The following SPAG16 variants were observed in gnomAD, a reference collection of about 807,000 sequenced individuals.
SPAG16 encodes the protein sperm-associated antigen 16 protein.
Under a neutral mutation model 80.4 loss-of-function variants are expected in SPAG16, and 86 were observed. The observed-to-expected ratio is 1.07, with a 90% CI of 0.90 to 1.28. The LOEUF is 1.28. Ranked by LOEUF, SPAG16 falls within the 50% of genes most tolerant of loss-of-function variation. The pLI, the probability that SPAG16 is intolerant of heterozygous loss-of-function variation, is 0.00. For missense variants in SPAG16, 870 were observed against 765.3 expected, an observed-to-expected ratio of 1.14 and a Z score of -1.61; for synonymous variants, 294 against 265.9, an observed-to-expected ratio of 1.11 and a Z score of -1.03.
chr2:213,431,497 T>TA (rs60221504), intron 9 of SPAG16, among the ~76,000 whole-genome samples: 540 of 149,770 alleles, frequency 3.6e-3, no homozygotes, highest in Non-Finnish European at 5.7e-3. Context: ...TCAGAAACTG[T>TA]AAAAAAAAAG....
chr2:213,417,175 G>A (rs1022479660), intron 9 of SPAG16, among the ~76,000 whole-genome samples: 2 of 151,938 alleles, frequency 1.3e-5, no homozygotes, highest in African/African-American at 4.8e-5. Context: ...GAGGTCAGAG[G>A]TCAAGCATCA....
In SPAG16 at chr2:214,019,665, G is replaced by T. The variant is rs1314970535; in HGVS notation, c.1527+5588G>T. ...ACAGTTCATCCTGCACCCTGCATAG[G>T]CCTGTTGGTTTTCATAGATAGGATC... On this transcript the variant is annotated intron_variant, in intron 13 of 15. Transcript: ENST00000331683. Among the ~76,000 whole-genome samples the T allele has an allele frequency of 3.3e-5, 5 of 152,278 alleles. No individual in the cohort carries two copies. The East Asian group carries it at 7.7e-4, about 24-fold the overall frequency.
At position 214,163,221 on chromosome 2, in the gene SPAG16, C is replaced by T. The variant is rs186638345; in HGVS notation, c.1720+13955C>T. 1.5e-3 allele frequency among the ~76,000 whole-genome samples: 233 copies of T among 152,084 alleles called. 3 individuals are homozygous for T. Among genetic ancestry groups the T allele is most frequent in the Admixed American group, 0.014 (211 of 15,226 alleles). ...TTTTTCCCTTTGTCAAATATAACAT[C>T]TCTTTCATGTGATTTTGCCTTAAGT... On this transcript the variant is annotated intron_variant, in intron 15 of 15. Transcript: ENST00000331683.
At chr2:213,738,813 T>C (rs1437261834) in intron 10 of SPAG16, among the ~76,000 whole-genome samples, 2 of 152,192 alleles carry the variant, frequency 1.3e-5, no homozygotes, top group African/African-American at 2.4e-5. Flanking sequence ...TTTGGGGAGA[T>C]AGGGCTTTAA....
chr2:214,322,316 C>T (rs1349747851), intron 15 of SPAG16, among the ~76,000 whole-genome samples: 1 of 152,120 alleles, frequency 6.6e-6, no homozygotes, highest in Non-Finnish European at 1.5e-5. Flanking sequence ...AAAACCACCC[C>T]AGGTGTTCTT....
chr2:213,716,514 CATCCTT>C (rs1398029710), intron 10 of SPAG16, among the ~76,000 whole-genome samples: 1 of 152,162 alleles, frequency 6.6e-6, no homozygotes, highest in Non-Finnish European at 1.5e-5. Context: ...GAGTAAGAAA[CATCCTT>C]AACCAGGAAG....
At chr2:213,365,953 T>A (rs1471474121) in intron 8 of SPAG16, among the ~76,000 whole-genome samples, 22 of 149,522 alleles carry the variant, frequency 1.5e-4, no homozygotes, top group Non-Finnish European at 2.4e-4. Flanking sequence ...CCATCCCGGC[T>A]AAAACGGTGA....
intron 9 of SPAG16, among the ~76,000 whole-genome samples, chr2:213,419,957 T>C (rs1331154747): frequency 6.6e-6 from 1 of 152,232 alleles, no homozygotes; most frequent in African/African-American, 2.4e-5. Context: ...CTCAAGTAGA[T>C]GAACGTATGA....
intron 10 of SPAG16, among the ~76,000 whole-genome samples, chr2:213,492,807 T>C (rs2074322179): frequency 6.6e-6 from 1 of 151,934 alleles, no homozygotes; most frequent in African/African-American, 2.4e-5. Flanking sequence ...TTCAAAAATA[T>C]AGCAGTAAAA....
chr2:213,645,712 G>C (rs2062796665), intron 10 of SPAG16, among the ~76,000 whole-genome samples: 1 of 152,138 alleles, frequency 6.6e-6, no homozygotes, highest in South Asian at 2.1e-4. Context: ...GCAACTTGGG[G>C]ATTAGGGGAG....
chr2:213,515,513 G>A (rs2075386778), intron 10 of SPAG16, among the ~76,000 whole-genome samples: 1 of 152,110 alleles, frequency 6.6e-6, no homozygotes. Context: ...AAGTATGTGA[G>A]TAAAAAATGT....
intron 15 of SPAG16, among the ~76,000 whole-genome samples, chr2:214,177,971 G>GTGTATATATATATA (rs1397087073): frequency 1.7e-5 from 1 of 59,352 alleles, no homozygotes; most frequent in African/African-American, 6.2e-5. Context: ...CAAAGTGTAT[G>GTGTATATATATATA]TATATATATA....
chr2:213,310,273 A>C, intron 4 of SPAG16, 96 bp downstream of exon 4: 1 of 750,968 alleles, frequency 1.3e-6, no homozygotes, highest in African/African-American at 1.8e-5. Context: ...GACTCAGCCT[A>C]TGAAAAATGA....
intron 10 of SPAG16, among the ~76,000 whole-genome samples, chr2:213,832,776 C>A (rs1341706531): frequency 6.6e-6 from 1 of 152,124 alleles, no homozygotes; most frequent in Non-Finnish European, 1.5e-5. Context: ...AGACAGTTTT[C>A]TTTGGGCCTT....
chr2:214,356,896 G>T (rs542990654), intron 15 of SPAG16, among the ~76,000 whole-genome samples: 59 of 151,856 alleles, frequency 3.9e-4, no homozygotes, highest in African/African-American at 1.4e-3. Context: ...TTTCTTTTGT[G>T]GTCATTTGTA....
intron 13 of SPAG16, among the ~76,000 whole-genome samples, chr2:214,035,486 A>T (rs555006281): frequency 1.3e-5 from 2 of 152,300 alleles, no homozygotes; most frequent in East Asian, 3.9e-4. Flanking sequence ...TGGTGCCCAA[A>T]GTCCAGAGGG....
At chr2:213,403,895 C>T (rs1407753312) in intron 9 of SPAG16, among the ~76,000 whole-genome samples, 3 of 152,236 alleles carry the variant, frequency 2.0e-5, no homozygotes, top group Admixed American at 2.0e-4. Context: ...AAATCACAAG[C>T]ATTCTTATAC....
At chr2:213,363,843 G>A (rs1029497138) in intron 7 of SPAG16, among the ~76,000 whole-genome samples, 1 of 151,994 alleles carries the variant, frequency 6.6e-6, no homozygotes, top group Non-Finnish European at 1.5e-5. Flanking sequence ...TGAAATAAAT[G>A]TTTCAGATGC....
At chr2:213,547,803 C>T (rs988058392) in intron 10 of SPAG16, among the ~76,000 whole-genome samples, 1 of 152,144 alleles carries the variant, frequency 6.6e-6, no homozygotes, top group African/African-American at 2.4e-5. Context: ...CTTGAACATA[C>T]ATTCTTATTT....
Sources: allele counts gnomAD v4.1 joint callset (sites outside exome capture counted in the v4.1 genomes callset), GRCh38; gene constraint gnomAD v4.1.1; transcripts MANE v1.5; gene names NCBI Gene and HGNC (gene_info 2026-07-23, HGNC 2026-07-21).